The following NCF2 variants were observed in gnomAD, a reference collection of about 807,000 sequenced individuals.
NCF2 encodes the protein neutrophil cytosolic factor 2, also known as neutrophil cytosol factor 2.
A neutral mutation model predicts 70.9 loss-of-function variants in NCF2; 45 were observed. The ratio of observed to expected loss-of-function variants is 0.63; its 90% CI spans 0.50 to 0.81. The LOEUF (loss-of-function observed/expected upper bound fraction) is 0.81, where lower values mean the gene tolerates loss of function less well. NCF2 is among the 40% of genes least tolerant of loss of function. The probability of loss-of-function intolerance (pLI) is 0.00; values close to 1 mark genes in which losing one functional copy is unlikely to be tolerated. For missense variants in NCF2, 522 were observed against 631.6 expected, an observed-to-expected ratio of 0.83 and a Z score of 1.86; for synonymous variants, 203 against 233.6, an observed-to-expected ratio of 0.87 and a Z score of 1.19.
chr1:183,556,314 A>G, intron 14 of NCF2, 84 bp from the exon 15 acceptor site: 2 of 1,256,956 alleles, frequency 1.6e-6, no homozygotes, highest in Non-Finnish European at 2.3e-6. Context: ...AGAATTTGTT[A>G]TCTGTCACCC....
chr1:183,556,717 C>T (rs767108403), intron 14 of NCF2, among the ~76,000 whole-genome samples: 4 of 152,034 alleles, frequency 2.6e-5, no homozygotes, highest in Non-Finnish European at 5.9e-5. Context: ...TTATTAGAGA[C>T]AGGATCTCGC....
chr1:183,589,970 G>A lies in NCF2; in HGVS notation c.174+186C>T, dbSNP rs10911365. 0.19 allele frequency among the ~76,000 whole-genome samples: 28,695 copies of A among 152,126 alleles called. 4,568 individuals carry two copies. The highest frequency in any genetic ancestry group is 0.44 in the African/African-American group (18,117 of 41,462). Reference sequence around the variant, plus strand: ...GCCCCTCACCTGCTCTCCACCTGGAGAGCTTTTAAAACTGGCTGCCTGGGG... The same window carrying A: ...GCCCCTCACCTGCTCTCCACCTGGAAAGCTTTTAAAACTGGCTGCCTGGGG... On this transcript the variant is annotated intron_variant, in intron 1 of 14. Transcript: ENST00000367535.
In NCF2 at chr1:183,555,949, C is replaced by A. The variant is rs910736355; in HGVS notation, c.*169G>T. On this transcript the variant is annotated 3_prime_UTR_variant, in exon 15 of 15. Transcript: ENST00000367535. The stretch of plus-strand genomic sequence containing the variant: ...CCTCACCCACTGTGCCCCAGGAAAT[C>A]ATCCTGGGTACTCACATCATTGTCT... The A allele has an allele frequency of 2.8e-5, 19 of 670,016 alleles. No individual in the cohort carries two copies. Among genetic ancestry groups the A allele is most frequent in the Non-Finnish European group, 4.8e-5 (18 of 375,150 alleles). The allele number at this position is 670,016 out of a possible 1,614,324, so 41.5% of individuals were successfully genotyped here.
chr1:183,598,506 G>C, the NCF2 span, among the ~76,000 whole-genome samples: 1 of 151,958 alleles, frequency 6.6e-6, no homozygotes, highest in Non-Finnish European at 1.5e-5. Context: ...TCTGACCAAG[G>C]AGAAATCCAA....
At chr1:183,582,025 C>T (rs1218637766) in intron 2 of NCF2, among the ~76,000 whole-genome samples, 5 of 152,356 alleles carry the variant, frequency 3.3e-5, no homozygotes, top group African/African-American at 1.2e-4. Context: ...CCAGCCCCCT[C>T]GTTCCCTGCT....
chr1:183,556,479 TAGAG>T (rs1420371033), intron 14 of NCF2, among the ~76,000 whole-genome samples: 10 of 152,300 alleles, frequency 6.6e-5, no homozygotes, highest in African/African-American at 1.9e-4. Flanking sequence ...AGTTACCAGA[TAGAG>T]AAGAAGGGTC....
chr1:183,574,879 AG>A (rs1269328558), intron 3 of NCF2, among the ~76,000 whole-genome samples: 45 of 152,382 alleles, frequency 3.0e-4, no homozygotes, highest in African/African-American at 9.4e-4. Flanking sequence ...TAGGTCAGGA[AG>A]GGACAAGAAT....
intron 14 of NCF2, among the ~76,000 whole-genome samples, chr1:183,558,414 C>T (rs1260369544): frequency 2.0e-5 from 3 of 150,560 alleles, no homozygotes; most frequent in South Asian, 2.1e-4. Flanking sequence ...ATTACAAGCA[C>T]CTACCACTAT....
At chr1:183,567,525 T>A (rs1421241133) in intron 7 of NCF2, 180 bp from the exon 8 acceptor site, 1 of 814,276 alleles carries the variant, frequency 1.2e-6, no homozygotes, top group South Asian at 1.4e-5. Flanking sequence ...AAGAAACTGG[T>A]GTACACCTGC....
At chr1:183,566,886 A>G in intron 9 of NCF2, 34 bp downstream of exon 9, 1 of 1,612,028 alleles carries the variant, frequency 6.2e-7, no homozygotes, top group East Asian at 2.2e-5. Flanking sequence ...CTAAAGGGTG[A>G]GAGGAAATGG....
At chr1:183,588,875 C>A (rs924090986) in intron 1 of NCF2, among the ~76,000 whole-genome samples, 1 of 152,210 alleles carries the variant, frequency 6.6e-6, no homozygotes, top group Non-Finnish European at 1.5e-5. Context: ...CATATCCAGG[C>A]CAAGGCAGGA....
intron 4 of NCF2, among the ~76,000 whole-genome samples, chr1:183,574,283 C>G (rs1450695881): frequency 6.6e-6 from 1 of 152,176 alleles, no homozygotes; most frequent in Non-Finnish European, 1.5e-5. Flanking sequence ...TGGTGTGATG[C>G]CAGGGCTCTG....
chr1:183,601,677 G>A, the NCF2 span, among the ~76,000 whole-genome samples: 1 of 152,102 alleles, frequency 6.6e-6, no homozygotes, highest in East Asian at 1.9e-4. Context: ...CTAACACGGT[G>A]AAACCCCGTC....
intron 14 of NCF2, among the ~76,000 whole-genome samples, chr1:183,557,093 C>T (rs999640863): frequency 6.6e-6 from 1 of 152,140 alleles, no homozygotes; most frequent in Non-Finnish European, 1.5e-5. Flanking sequence ...TATATTCAGA[C>T]TTCATAATAA....
intron 13 of NCF2, among the ~76,000 whole-genome samples, chr1:183,561,892 G>A (rs1024272972): frequency 3.5e-5 from 5 of 143,220 alleles, no homozygotes; most frequent in African/African-American, 5.3e-5. Context: ...CCGCCTCCTG[G>A]GTTCAAGCAA....
At chr1:183,567,958 A>G (rs1017734052) in intron 7 of NCF2, among the ~76,000 whole-genome samples, 2 of 151,960 alleles carry the variant, frequency 1.3e-5, no homozygotes, top group Admixed American at 1.3e-4. Context: ...GATTGGCATC[A>G]CTTTGGAACG....
At chr1:183,599,465 T>TCTTTCTTTCTTTC in the NCF2 span, among the ~76,000 whole-genome samples, 7 of 141,498 alleles carry the variant, frequency 4.9e-5, no homozygotes, top group African/African-American at 1.4e-4. Flanking sequence ...TTTCTTTCTT[T>TCTTTCTTTCTTTC]CTTTCTTTCT....
chr1:183,581,702 T>G (rs943950903), intron 2 of NCF2, among the ~76,000 whole-genome samples: 1 of 151,160 alleles, frequency 6.6e-6, no homozygotes, highest in African/African-American at 2.4e-5. Flanking sequence ...AGAGTCTCGC[T>G]CTGTTGCCCT....
rs1267340772 is a variant in NCF2, at chr1:183,555,570, GAAAA to G, written c.*544_*547del. The G allele has an allele frequency of 6.4e-6, 1 of 156,036 alleles. No homozygotes were observed. The highest frequency in any genetic ancestry group is 2.4e-5 in the African/African-American group (1 of 41,362). The allele number at this position is 156,036 out of a possible 1,614,324, so 9.7% of individuals were successfully genotyped here. A position where few individuals can be genotyped will look rare whatever the true frequency, so the allele number is the denominator to read the frequency against. ...TAAGCAACAAGACATAATGAAAAAA[GAAAA>G]CAAACAAGTTTATTTGTATATGCCT... On this transcript the variant is annotated 3_prime_UTR_variant, in exon 15 of 15. Coordinates refer to ENST00000367535, the MANE Select transcript of NCF2 (RefSeq NM_000433.4).
Sources: gnomAD v4.1 joint callset for allele counts (sites outside exome capture counted in the v4.1 genomes callset) on GRCh38, gnomAD v4.1.1 for gene constraint, MANE v1.5 for transcripts, NCBI Gene and HGNC (gene_info 2026-07-23, HGNC 2026-07-21) for gene names.